CHERP: variants seen among roughly 807,000 people sequenced by gnomAD.
The protein encoded by CHERP is calcium homeostasis endoplasmic reticulum protein, also known as ERPROT 213-21.
In CHERP, 8 loss-of-function variants were observed where a neutral mutation model predicts 113.8. The observed-to-expected ratio is 0.07, with a 90% CI of 0.04 to 0.13. The LOEUF (loss-of-function observed/expected upper bound fraction) is 0.13. CHERP is among the 10% of genes least tolerant of loss of function. The probability of loss-of-function intolerance (pLI) is 1.00; values close to 1 mark genes in which losing one functional copy is unlikely to be tolerated. For missense variants in CHERP, 884 were observed against 1,298.2 expected (o/e 0.68, Z 4.90); for synonymous variants, 559 against 524.5 (o/e 1.07, Z -0.90).
At position 16,529,887 on chromosome 19, in the gene CHERP, T is replaced by C. The variant is rs768280063; in HGVS notation, c.890A>G (p.Asn297Ser). The change falls in exon 8 of 17, where the codon AAC becomes AGC. Residue 297 changes from asparagine (N) to serine (S), a missense_variant. Physicochemically the swap from Asn to Ser is conservative, Grantham distance 46. Coordinates refer to ENST00000546361, the MANE Select transcript of CHERP (RefSeq NM_006387.6). ...GLGQYQATLI[N>S]EYSSVVQPVQ... ...CGGCTGGACCACTGAGGAGTACTCG[T>C]TGATGAGGGTGGCCTGAGAGAGAGA... is the stretch of plus-strand genomic sequence containing the variant. 3 of 1,613,380 alleles carry C rather than the reference T, an allele frequency of 1.9e-6. No individual in the cohort carries two copies. The highest frequency in any genetic ancestry group is 2.5e-6 in the Non-Finnish European group (3 of 1,179,852).
Position 16,518,804 on chromosome 19 carries a change from A to C in CHERP, c.*355T>G. The stretch of plus-strand genomic sequence containing the variant: ...CCTGCACATGCTCCTCCTGGAGCCT[A>C]GGAGGAGGCTTCAATCTGACTTAGG... On this transcript the variant is annotated 3_prime_UTR_variant, in exon 17 of 17. Transcript: ENST00000546361. The C allele has an allele frequency of 3.7e-6, 1 of 272,790 alleles. No individual in the cohort carries two copies. Among genetic ancestry groups the C allele is most frequent in the Non-Finnish European group, 7.1e-6 (1 of 141,684 alleles). 16.9% of individuals were successfully genotyped at this position (272,790 alleles called of 1,614,324 possible). A position where few individuals can be genotyped will look rare whatever the true frequency, so the allele number is the denominator to read the frequency against.
At chr19:16,528,556 A>C (rs1397748323) in intron 8 of CHERP, among the ~76,000 whole-genome samples, 1 of 152,200 alleles carries the variant, frequency 6.6e-6, no homozygotes, top group Non-Finnish European at 1.5e-5. Context: ...AGACATCTTT[A>C]CTGTATCTAA....
Position 16,525,062 on chromosome 19 carries a change from A to T in CHERP, c.1741+180T>A, listed in dbSNP as rs566866906. 6.6e-6 allele frequency among the ~76,000 whole-genome samples: 1 copy of T among 152,150 alleles called. No homozygotes were observed. The highest frequency in any genetic ancestry group is 1.9e-4 in the East Asian group (1 of 5,168). ...AGCCGGGCCTCATCAGGGCGGCAAA[A>T]CTGAGTCTGTGCCCCCACTTCCTGA... On this transcript the variant is annotated intron_variant, in intron 10 of 16. Coordinates refer to ENST00000546361, the MANE Select transcript of CHERP (RefSeq NM_006387.6). The surrounding 1 kb of genome is among the most constrained non-coding windows in gnomAD (Gnocchi z 6.5).
intron 3 of CHERP, among the ~76,000 whole-genome samples, chr19:16,533,383 C>T (rs555268754): frequency 6.6e-6 from 1 of 152,286 alleles, no homozygotes; most frequent in African/African-American, 2.4e-5. Flanking sequence ...CAGGACATAC[C>T]AGGAGACAAC....
Position 16,540,691 on chromosome 19 carries a change from TTTTC to T in CHERP, c.199+1175_199+1178del, listed in dbSNP as rs1481707093. Reference sequence around the variant, plus strand: ...CCTGGCCTCCTTTCAAGCCTTTTCTTTTTCTTTCTTTCTTTTTTTTTTTTGAGAT... The same window carrying T: ...CCTGGCCTCCTTTCAAGCCTTTTCTTTTTCTTTCTTTTTTTTTTTTGAGAT... On this transcript the variant is annotated intron_variant, in intron 2 of 16. Coordinates refer to ENST00000546361, the MANE Select transcript of CHERP (RefSeq NM_006387.6). Among the ~76,000 whole-genome samples, 285 of 148,466 alleles carry T rather than the reference TTTTC, an allele frequency of 1.9e-3. 1 individual carries two copies. Among genetic ancestry groups the T allele is most frequent in the African/African-American group, 5.5e-3 (221 of 40,126 alleles).
Position 16,521,686 on chromosome 19 carries a change from C to A in CHERP, c.1981-32G>T, listed in dbSNP as rs139498762. Reference sequence around the variant, plus strand: ...CAGAGAACCCCAGCTGTCACCATGCCTGGGCAGAGCCCTCTCAGGCCCACC... The same window carrying A: ...CAGAGAACCCCAGCTGTCACCATGCATGGGCAGAGCCCTCTCAGGCCCACC... On this transcript the variant is annotated intron_variant, in intron 11 of 16. Coordinates refer to ENST00000546361, the MANE Select transcript of CHERP (RefSeq NM_006387.6). 1,793 of 1,527,330 alleles carry A rather than the reference C, an allele frequency of 1.2e-3. 15 individuals carry two copies. The African/African-American group carries it at 0.022, about 19-fold the overall frequency. 94.6% of individuals were successfully genotyped at this position (1,527,330 alleles called of 1,614,324 possible). A position where few individuals can be genotyped will look rare whatever the true frequency, so the allele number is the denominator to read the frequency against.
Position 16,533,131 on chromosome 19 carries a change from G to A in CHERP, c.402C>T (p.Ala134=), listed in dbSNP as rs1276272813. The A allele has an allele frequency of 2.2e-5, 35 of 1,586,884 alleles. No homozygotes were observed. Among genetic ancestry groups the A allele is most frequent in the Non-Finnish European group, 2.7e-5 (31 of 1,167,030 alleles). The part of the protein sequence containing the change: ...LALRQEQVTA[A]VAHAVEQQMQ... ...TCTGCTGCTCCACCGCGTGGGCCAC[G>A]GCCGCTGTCACTTGCTCCTGCGGGC... Residue 134 remains alanine, a synonymous_variant, in exon 4 of 17, where the codon GCC becomes GCT. Coordinates refer to ENST00000546361, the MANE Select transcript of CHERP (RefSeq NM_006387.6).
intron 9 of CHERP, 117 bp downstream of exon 9, chr19:16,527,963 G>C: frequency 9.6e-7 from 1 of 1,043,774 alleles, no homozygotes; most frequent in Non-Finnish European, 1.4e-6. Context: ...CTCTGCCACA[G>C]AATATCCCTC....
intron 5 of CHERP, among the ~76,000 whole-genome samples, chr19:16,531,513 G>A (rs755292792): frequency 2.0e-5 from 3 of 152,220 alleles, no homozygotes; most frequent in Non-Finnish European, 4.4e-5. Flanking sequence ...GGGGAGGGAC[G>A]CAAGACAGGA....
chr19:16,535,573 G>A lies in CHERP; in HGVS notation c.263C>T (p.Pro88Leu), dbSNP rs1422901278. Reference sequence around the variant, plus strand: ...GATGGGCGCGGCGGGGGCCAGCGGGGGCTGTGGCAGGGGTGGCATGGTGGC... The same window carrying A: ...GATGGGCGCGGCGGGGGCCAGCGGGAGCTGTGGCAGGGGTGGCATGGTGGC... ...PAATMPPLPQ[P>L]PLAPAAPIPP... is the part of the protein sequence containing the mutation. The change falls in exon 3 of 17, where the codon CCC (proline) becomes CTC (leucine). Residue 88 changes from proline to leucine, a missense_variant. Physicochemically the swap from Pro to Leu is moderately conservative, Grantham distance 98. This residue lies in a region of CHERP where 109 missense variants were observed against 134.2 expected (regional missense o/e 0.81). Transcript: ENST00000546361. The surrounding 1 kb of genome is among the most constrained non-coding windows in gnomAD (Gnocchi z 4.3). The A allele has an allele frequency of 2.6e-6, 4 of 1,563,664 alleles. No individual in the cohort carries two copies.
intron 9 of CHERP, 57 bp downstream of exon 9, chr19:16,528,023 C>A: frequency 1.3e-6 from 2 of 1,558,456 alleles, no homozygotes; most frequent in Non-Finnish European, 1.8e-6. Context: ...ATAGGGGAGG[C>A]TACCCCATCA....
Position 16,532,453 on chromosome 19 carries a change from A to T in CHERP, c.674+145T>A, listed in dbSNP as rs2085712810. 1.0e-6 allele frequency: 1 copy of T among 978,214 alleles called. No individual in the cohort carries two copies. The highest frequency in any genetic ancestry group is 1.5e-6 in the Non-Finnish European group (1 of 684,612). The allele number at this position is 978,214 out of a possible 1,614,324, so 60.6% of individuals were successfully genotyped here. A position where few individuals can be genotyped will look rare whatever the true frequency, so the allele number is the denominator to read the frequency against. ...GACAGAAGCCTGGTGGCTCACAGAG[A>T]CCCCCCACCCGGGGTCCCCGGACAA... On this transcript the variant is annotated intron_variant, in intron 5 of 16. Coordinates refer to ENST00000546361, the MANE Select transcript of CHERP (RefSeq NM_006387.6). The surrounding 1 kb of genome is among the most constrained non-coding windows in gnomAD (Gnocchi z 4.4).
Position 16,525,703 on chromosome 19 carries a change from C to T in CHERP, c.1306-26G>A, listed in dbSNP as rs1374936332. On this transcript the variant is annotated intron_variant, in intron 9 of 16. Transcript: ENST00000546361. The surrounding 1 kb of genome is among the most constrained non-coding windows in gnomAD (Gnocchi z 6.5). Reference sequence around the variant, plus strand: ...CTGCAAGGGAAGGGACAGGCTTGAGCCCTGCGTGGTCTAGGCCCTAGTGCT... The same window carrying T: ...CTGCAAGGGAAGGGACAGGCTTGAGTCCTGCGTGGTCTAGGCCCTAGTGCT... 1 of 1,476,660 alleles carries T rather than the reference C, an allele frequency of 6.8e-7. No homozygotes were observed. The highest frequency in any genetic ancestry group is 1.3e-5 in the South Asian group (1 of 75,746). The allele number at this position is 1,476,660 out of a possible 1,614,324, so 91.5% of individuals were successfully genotyped here.
chr19:16,525,357 G>A lies in CHERP; in HGVS notation c.1626C>T (p.His542=), dbSNP rs376187346. The A allele has an allele frequency of 6.7e-7, 1 of 1,488,800 alleles. No homozygotes were observed. 92.2% of individuals were successfully genotyped at this position (1,488,800 alleles called of 1,614,324 possible). A position where few individuals can be genotyped will look rare whatever the true frequency, so the allele number is the denominator to read the frequency against. ...AGCGGGGCGGGAAGCGGTTGAAGTTGTGGGGGTGCGGAGGCTGGTTGAACT... is the reference window on the plus strand; with the variant it reads ...AGCGGGGCGGGAAGCGGTTGAAGTTATGGGGGTGCGGAGGCTGGTTGAACT... The part of the protein sequence containing the change: ...HPQFNQPPHP[H]NFNRFPPRFM... Residue 542 remains histidine, a synonymous_variant, in exon 10 of 17, where the codon CAC becomes CAT. Transcript: ENST00000546361. This position sits in a 1 kb window ranked among gnomAD's most constrained non-coding sequence, Gnocchi z 6.5.
Position 16,520,061 on chromosome 19 carries a change from G to GTC in CHERP, c.2462+86_2462+87dup, listed in dbSNP as rs758487995. ...CTAATGCTGGCGGCCTCCTAACACA[G>GTC]TCTCCTAACCACCAATGTTTCCACA... On this transcript the variant is annotated intron_variant, in intron 15 of 16. Transcript: ENST00000546361. This position sits in a 1 kb window ranked among gnomAD's most constrained non-coding sequence, Gnocchi z 4.0. The GTC allele has an allele frequency of 5.0e-6, 7 of 1,387,660 alleles. No homozygotes were observed. The highest frequency in any genetic ancestry group is 7.1e-6 in the Non-Finnish European group (7 of 991,116). 86.0% of individuals were successfully genotyped at this position (1,387,660 alleles called of 1,614,324 possible).
chr19:16,524,555 C>CAAA (rs112007487), intron 10 of CHERP, among the ~76,000 whole-genome samples: 11,643 of 133,566 alleles, frequency 0.087, 592 homozygotes, highest in Non-Finnish European at 0.12. Flanking sequence ...GACTCTGTCT[C>CAAA]AAAAAAAAAA....
At chr19:16,528,030 A>C in intron 9 of CHERP, 50 bp downstream of exon 9, 1 of 1,584,846 alleles carries the variant, frequency 6.3e-7, no homozygotes, top group Non-Finnish European at 8.6e-7. Context: ...AGGCTACCCC[A>C]TCAGGCCAAG....
In CHERP at chr19:16,523,560, G is replaced by C. The variant is rs899065969; in HGVS notation, c.1742-270C>G. On this transcript the variant is annotated intron_variant, in intron 10 of 16. Coordinates refer to ENST00000546361, the MANE Select transcript of CHERP (RefSeq NM_006387.6). This position sits in a 1 kb window ranked among gnomAD's most constrained non-coding sequence, Gnocchi z 4.0. ...CCCAAAACTGCACGGTGAGGGCTAA[G>C]TTGTGACCCTCCGAATCCATACGCT... Among the ~76,000 whole-genome samples, 1 of 152,196 alleles carries C rather than the reference G, an allele frequency of 6.6e-6. No individual in the cohort carries two copies. The highest frequency in any genetic ancestry group is 2.4e-5 in the African/African-American group (1 of 41,446).
chr19:16,521,137 C>T (rs1036077811), intron 12 of CHERP: 29 of 599,272 alleles, frequency 4.8e-5, no homozygotes, highest in Admixed American at 3.1e-4. Flanking sequence ...CCTGCTGTTC[C>T]GCTGAGGTGG....
Sources: allele counts gnomAD v4.1 joint callset (sites outside exome capture counted in the v4.1 genomes callset), GRCh38; gene constraint gnomAD v4.1.1; regional missense constraint gnomAD v4.1.1; non-coding constraint Gnocchi (gnomAD v3.1); transcripts MANE v1.5; gene names NCBI Gene and HGNC (gene_info 2026-07-23, HGNC 2026-07-21).